CES5A: variants seen among roughly 807,000 people sequenced by gnomAD.
CES5A encodes carboxylesterase 5.
CES5A carries 67 observed loss-of-function variants against 62.9 expected under a neutral mutation model. The observed-to-expected ratio is 1.07, with a 90% CI of 0.88 to 1.31. The LOEUF (loss-of-function observed/expected upper bound fraction) is 1.31. Ranked by LOEUF, CES5A falls within the 50% of genes most tolerant of loss-of-function variation. The pLI is 0.00. For synonymous variants in CES5A, 296 were observed against 280.8 expected, an observed-to-expected ratio of 1.05 and a Z score of -0.54; for missense variants, 748 against 708.5, an observed-to-expected ratio of 1.06 and a Z score of -0.63.
At chr16:55,879,193 C>T (rs1424544754), upstream of CES5A, among the ~76,000 whole-genome samples, 1 of 150,610 alleles carries the variant, frequency 6.6e-6, no homozygotes, top group Non-Finnish European at 1.5e-5. Flanking sequence ...CAATGCTCCC[C>T]ATTTCTATAG....
chr16:55,889,445 G>A (rs1333651414), intron 1 of CES5A, among the ~76,000 whole-genome samples: 8 of 152,168 alleles, frequency 5.3e-5, no homozygotes, highest in Non-Finnish European at 1.2e-4. Context: ...TAATTTGCTA[G>A]AATGGCTCAC....
chr16:55,872,847 G>T (rs1026230020), intron 2 of CES5A, among the ~76,000 whole-genome samples: 2 of 152,068 alleles, frequency 1.3e-5, no homozygotes, highest in African/African-American at 2.4e-5. Flanking sequence ...TACTGTTTAC[G>T]TTCCTGCCAC....
chr16:55,877,213 A>G (rs1438830035), upstream of CES5A, among the ~76,000 whole-genome samples: 3 of 152,134 alleles, frequency 2.0e-5, no homozygotes, highest in African/African-American at 7.2e-5. Context: ...CTTGGCAAGG[A>G]GTGCGGGTGG....
At chr16:55,866,681 C>CAAAAAAAAAAAAAAAAAAAAAAAA (rs1287845742) in intron 4 of CES5A, among the ~76,000 whole-genome samples, 2 of 98,372 alleles carry the variant, frequency 2.0e-5, no homozygotes, top group Non-Finnish European at 4.2e-5. Flanking sequence ...AAAAAAAATA[C>CAAAAAAAAAAAAAAAAAAAAAAAA]AAAAAAATTA....
intron 1 of CES5A, among the ~76,000 whole-genome samples, chr16:55,882,692 T>C (rs2033774370): frequency 1.3e-5 from 2 of 152,204 alleles, no homozygotes; most frequent in South Asian, 4.1e-4. Flanking sequence ...GCCTCCTTCT[T>C]TTTAGCAAGA....
At chr16:55,901,551 C>G (rs2033990730) in intron 1 of CES5A, among the ~76,000 whole-genome samples, 1 of 152,220 alleles carries the variant, frequency 6.6e-6, no homozygotes, top group Non-Finnish European at 1.5e-5. Context: ...ATTCCCCATC[C>G]TGGCAAGAAA....
intron 1 of CES5A, among the ~76,000 whole-genome samples, chr16:55,904,503 T>C (rs1412501865): frequency 6.6e-6 from 1 of 152,182 alleles, no homozygotes; most frequent in Non-Finnish European, 1.5e-5. Flanking sequence ...GAGATCCTAA[T>C]TCCTCCACTC....
At chr16:55,905,965 A>T (rs1172440215) in intron 1 of CES5A, among the ~76,000 whole-genome samples, 1 of 152,148 alleles carries the variant, frequency 6.6e-6, no homozygotes, top group Admixed American at 6.5e-5. Flanking sequence ...CACTCCCAGG[A>T]AGTATTACTG....
At chr16:55,912,564 G>A (rs2034105211) in intron 1 of CES5A, among the ~76,000 whole-genome samples, 1 of 149,368 alleles carries the variant, frequency 6.7e-6, no homozygotes, top group Non-Finnish European at 1.5e-5. Flanking sequence ...TGAGATGGAT[G>A]AGGACATGGA....
At position 55,942,040 on chromosome 16, in the gene CES5A, A is replaced by C. The variant is rs569605874; in HGVS notation, c.160+7745T>G. On this transcript the variant is annotated intron_variant, in intron 2 of 13. Transcript: ENST00000521992. ...AAACAATCCATATGGAAATGAATGA[A>C]CTTCAACTCTATCTTCATTCCATAC... Among the ~76,000 whole-genome samples, 16 of 152,328 alleles carry C rather than the reference A, an allele frequency of 1.1e-4. No homozygotes were observed. In the South Asian group the frequency reaches 3.1e-3, roughly 30 times the overall value.
chr16:55,872,223 T>G (rs1597126771), intron 2 of CES5A, among the ~76,000 whole-genome samples: 1 of 152,190 alleles, frequency 6.6e-6, no homozygotes, highest in Non-Finnish European at 1.5e-5. Context: ...CCACCCAGGA[T>G]AGACTGGCAG....
At chr16:55,901,945 C>A (rs2142442542) in intron 1 of CES5A, among the ~76,000 whole-genome samples, 1 of 152,302 alleles carries the variant, frequency 6.6e-6, no homozygotes, top group Non-Finnish European at 1.5e-5. Context: ...AGCCAAAATT[C>A]CTCATCCTTG....
chr16:55,865,763 A>G (rs755886999), intron 5 of CES5A, among the ~76,000 whole-genome samples, 200 bp downstream of exon 5: 2 of 152,196 alleles, frequency 1.3e-5, no homozygotes, highest in African/African-American at 2.4e-5. Context: ...TGATTTATTT[A>G]AACTTTCCCA....
At chr16:55,935,221 G>T (rs534468034) in intron 2 of CES5A, among the ~76,000 whole-genome samples, 1 of 152,226 alleles carries the variant, frequency 6.6e-6, no homozygotes, top group African/African-American at 2.4e-5. Flanking sequence ...GGGATTACAG[G>T]CATGAGCCAC....
chr16:55,915,855 G>A (rs1597148634), intron 1 of CES5A, among the ~76,000 whole-genome samples: 1 of 152,220 alleles, frequency 6.6e-6, no homozygotes, highest in South Asian at 2.1e-4. Flanking sequence ...CCTGTGCAAA[G>A]CATTGAATGG....
upstream of CES5A, among the ~76,000 whole-genome samples, chr16:55,876,876 G>A (rs1343005658): frequency 1.3e-5 from 2 of 152,172 alleles, no homozygotes; most frequent in East Asian, 3.9e-4. Flanking sequence ...GAGGAGGAAG[G>A]CAGGGGGCTA....
At chr16:55,926,087 C>G (rs982112339), upstream of CES5A, among the ~76,000 whole-genome samples, 3 of 152,072 alleles carry the variant, frequency 2.0e-5, no homozygotes, top group African/African-American at 7.2e-5. Context: ...TTATAACATT[C>G]TATCATACAT....
At position 55,925,050 on chromosome 16, in the gene CES5A, C is replaced by A. The variant is rs577893613; in HGVS notation, c.-256+273G>T. 3.9e-5 allele frequency among the ~76,000 whole-genome samples: 6 copies of A among 151,956 alleles called. No individual in the cohort carries two copies. In the South Asian group the frequency reaches 1.2e-3, roughly 32 times the overall value. ...ATTAAGTTAAAAAGCTTCTGCACAG[C>A]AAAAGAAATGATCAACAAAGTGAAG... On this transcript the variant is annotated intron_variant, in intron 1 of 12. Coordinates refer to the CES5A transcript ENST00000518005.
At chr16:55,931,100 A>C (rs1170232974) in intron 2 of CES5A, among the ~76,000 whole-genome samples, 4 of 152,198 alleles carry the variant, frequency 2.6e-5, no homozygotes, top group South Asian at 2.1e-4. Context: ...CCATACAGTA[A>C]TTAGTGACAG....
Sources: gnomAD v4.1 joint callset for allele counts (sites outside exome capture counted in the v4.1 genomes callset) on GRCh38, gnomAD v4.1.1 for gene constraint, MANE v1.5 for transcripts, NCBI Gene and HGNC (gene_info 2026-07-23, HGNC 2026-07-21) for gene names.